Variants in TBC1D14 observed in about 807,000 individuals in gnomAD.
TBC1D14 encodes the protein TBC1 domain family, member 14.
In TBC1D14, 26 loss-of-function variants were observed where a neutral mutation model predicts 79.0. That is an observed-to-expected ratio of 0.33 (90% CI 0.24 to 0.46). The LOEUF is 0.46. Among genes scored for constraint, TBC1D14 ranks in the 20% least tolerant of loss-of-function variants. The pLI is 1.00. For synonymous variants in TBC1D14, 394 were observed against 349.9 expected (o/e 1.13, Z -1.40); for missense variants, 769 against 887.6 (o/e 0.87, Z 1.70).
chr4:6,997,564 T>G (rs1719188041), intron 5 of TBC1D14, among the ~76,000 whole-genome samples: 1 of 152,082 alleles, frequency 6.6e-6, no homozygotes, highest in African/African-American at 2.4e-5. Flanking sequence ...AGGTGGAGGT[T>G]GCAGTGAGCC....
intron 7 of TBC1D14, chr4:7,001,489 G>T: frequency 4.2e-6 from 2 of 478,888 alleles, no homozygotes; most frequent in South Asian, 5.0e-5. Context: ...TTGGAAGACA[G>T]GGCTTAGAGC....
In TBC1D14 at chr4:6,996,316, C is replaced by A. The variant is rs748854657; in HGVS notation, c.963-9C>A. 3 of 1,610,348 alleles carry A rather than the reference C, an allele frequency of 1.9e-6. No homozygotes were observed. The highest frequency in any genetic ancestry group is 1.3e-5 in the African/African-American group (1 of 74,800). On this transcript the variant is annotated splice_polypyrimidine_tract_variant and intron_variant, in intron 4 of 13. Coordinates refer to ENST00000409757, the MANE Select transcript of TBC1D14 (RefSeq NM_020773.3). ...TATAATGGTGAAAACTCATTTCTTTCCTGTCAAGAAATCTCCCAGCAAAAC... is the reference window on the plus strand; with the variant it reads ...TATAATGGTGAAAACTCATTTCTTTACTGTCAAGAAATCTCCCAGCAAAAC...
At chr4:6,949,992 C>T (rs1311954353) in intron 2 of TBC1D14, among the ~76,000 whole-genome samples, 2 of 152,076 alleles carry the variant, frequency 1.3e-5, no homozygotes, top group Middle Eastern at 3.2e-3. Flanking sequence ...GTTTGTTGCA[C>T]CCATCAACCT....
intron 13 of TBC1D14, among the ~76,000 whole-genome samples, chr4:7,030,028 TG>T (rs1722881803): frequency 1.3e-5 from 2 of 152,120 alleles, no homozygotes; most frequent in South Asian, 4.1e-4. Context: ...CGTTCAGGCC[TG>T]GGCTTCCTGG....
chr4:6,972,068 C>T (rs1048000584), intron 3 of TBC1D14, among the ~76,000 whole-genome samples: 3 of 152,142 alleles, frequency 2.0e-5, no homozygotes, highest in Non-Finnish European at 2.9e-5. Flanking sequence ...GACACTGCCT[C>T]GGAAGTGCAG....
chr4:6,923,076 C>T (rs542953832), intron 1 of TBC1D14, among the ~76,000 whole-genome samples: 20 of 152,340 alleles, frequency 1.3e-4, no homozygotes, highest in African/African-American at 4.8e-4. Flanking sequence ...AAGCGCATGC[C>T]TGTAATCCCA....
At chr4:7,026,131 C>T (rs1169331968) in intron 13 of TBC1D14, among the ~76,000 whole-genome samples, 1 of 149,328 alleles carries the variant, frequency 6.7e-6, no homozygotes, top group Non-Finnish European at 1.5e-5. Flanking sequence ...CTCAGCCCCC[C>T]GAAATGTCTG....
intron 12 of TBC1D14, among the ~76,000 whole-genome samples, chr4:7,021,732 C>T (rs547700450): frequency 6.6e-6 from 1 of 151,820 alleles, no homozygotes; most frequent in South Asian, 2.1e-4. Flanking sequence ...TGATCTACAA[C>T]GCAATAATAT....
Position 7,010,654 on chromosome 4 carries a change from T to A in TBC1D14, c.1520T>A (p.Val507Asp). The A allele has an allele frequency of 6.2e-7, 1 of 1,613,252 alleles. No homozygotes were observed. Among genetic ancestry groups the A allele is most frequent in the Non-Finnish European group, 8.5e-7 (1 of 1,179,656 alleles). Residue 507 changes from valine (V) to aspartate (D), a missense_variant and splice_region_variant, in exon 11 of 14, where the codon GTC becomes GAC. Physicochemically the swap from Val to Asp is radical, Grantham distance 152 (BLOSUM62 -3). This residue lies in a region of TBC1D14 where 367 missense variants were observed against 494.4 expected (regional missense o/e 0.74). Transcript: ENST00000409757. ...YTCYRPDVGYVQGMSFIAAVL... is the reference protein window; with the variant it reads ...YTCYRPDVGYDQGMSFIAAVL... ...ACGTGCCTTTCTCTCCTCTCTCAGG[T>A]CCAGGGCATGTCCTTCATAGCAGCA...
chr4:6,979,861 A>G (rs1216014486), intron 3 of TBC1D14, among the ~76,000 whole-genome samples: 3 of 152,252 alleles, frequency 2.0e-5, no homozygotes, highest in African/African-American at 7.2e-5. Flanking sequence ...ATGAAGACAT[A>G]ATGATTCTAA....
At chr4:6,911,215 T>C (rs1025817828) in intron 1 of TBC1D14, among the ~76,000 whole-genome samples, 7 of 152,178 alleles carry the variant, frequency 4.6e-5, no homozygotes, top group African/African-American at 1.7e-4. Context: ...CCCTTGAGAT[T>C]GTGGGCTCCG....
chr4:6,931,937 A>T (rs978047767), intron 2 of TBC1D14, among the ~76,000 whole-genome samples: 4 of 151,948 alleles, frequency 2.6e-5, no homozygotes, highest in African/African-American at 9.7e-5. Context: ...ATGTGTTGGC[A>T]GACTTAAGAG....
chr4:7,022,624 C>T (rs1229130773), intron 12 of TBC1D14, among the ~76,000 whole-genome samples: 1 of 151,938 alleles, frequency 6.6e-6, no homozygotes, highest in African/African-American at 2.4e-5. Context: ...CGCAGCACGG[C>T]GTCAGCAGTA....
intron 2 of TBC1D14, among the ~76,000 whole-genome samples, chr4:6,933,525 C>T (rs201296583): frequency 3.3e-5 from 5 of 151,812 alleles, no homozygotes; most frequent in Non-Finnish European, 5.9e-5. Flanking sequence ...AGGCTGGTCT[C>T]GAACTCCTAG....
chr4:6,984,002 G>A (rs1456111159), intron 3 of TBC1D14, among the ~76,000 whole-genome samples: 10 of 152,114 alleles, frequency 6.6e-5, no homozygotes, highest in Admixed American at 6.5e-5. Flanking sequence ...TTACTGCTGC[G>A]TCTCGCCAGA....
chr4:6,958,058 T>G (rs1182886120), intron 2 of TBC1D14, among the ~76,000 whole-genome samples: 1 of 151,914 alleles, frequency 6.6e-6, no homozygotes, highest in African/African-American at 2.4e-5. Flanking sequence ...CCCTTTAGCC[T>G]GGGCCAGGCT....
intron 4 of TBC1D14, chr4:6,995,539 G>A (rs1421591514): frequency 6.7e-6 from 1 of 149,696 alleles, no homozygotes; most frequent in Non-Finnish European, 1.5e-5. Flanking sequence ...TTGAGATGGA[G>A]TCTTGCTCTG....
At chr4:6,914,884 C>A (rs1461238459) in intron 1 of TBC1D14, among the ~76,000 whole-genome samples, 1 of 152,092 alleles carries the variant, frequency 6.6e-6, no homozygotes, top group East Asian at 1.9e-4. Context: ...ACTAAAAATA[C>A]AAAAATTAGC....
chr4:6,948,544 G>A (rs1186079118), intron 2 of TBC1D14, among the ~76,000 whole-genome samples: 1 of 151,278 alleles, frequency 6.6e-6, no homozygotes, highest in Non-Finnish European at 1.5e-5. Context: ...GTGTTCTCAC[G>A]GATGTCACTG....
Sources: allele counts gnomAD v4.1 joint callset (sites outside exome capture counted in the v4.1 genomes callset), GRCh38; gene constraint gnomAD v4.1.1; regional missense constraint gnomAD v4.1.1; transcripts MANE v1.5; gene names NCBI Gene and HGNC (gene_info 2026-07-23, HGNC 2026-07-21).